NECAB1: variants seen among roughly 807,000 people sequenced by gnomAD.
The protein encoded by NECAB1 is N-terminal EF-hand calcium-binding protein 1.
A neutral mutation model predicts 57.5 loss-of-function variants in NECAB1; 29 were observed. The ratio of observed to expected loss-of-function variants is 0.50; its 90% CI spans 0.38 to 0.69. The LOEUF is 0.69. NECAB1 is among the 30% of genes least tolerant of loss of function. The pLI is 0.00. For missense variants in NECAB1, 372 were observed against 413.8 expected (o/e 0.90, Z 0.88); for synonymous variants, 142 against 147.7 (o/e 0.96, Z 0.28).
intron 3 of NECAB1, among the ~76,000 whole-genome samples, chr8:90,863,659 AGAGT>A (rs1284038956): frequency 1.3e-5 from 2 of 152,160 alleles, no homozygotes; most frequent in Non-Finnish European, 2.9e-5. Context: ...AGGAGATGAG[AGAGT>A]GTTATTATAT....
intron 10 of NECAB1, among the ~76,000 whole-genome samples, chr8:90,942,640 T>C (rs750141786): frequency 3.9e-4 from 60 of 152,242 alleles, no homozygotes; most frequent in Non-Finnish European, 6.8e-4. Flanking sequence ...TCCCAGCACT[T>C]TGGGAGGCCG....
intron 3 of NECAB1, among the ~76,000 whole-genome samples, chr8:90,851,774 C>A (rs1812688408): frequency 6.6e-6 from 1 of 152,138 alleles, no homozygotes; most frequent in Admixed American, 6.5e-5. Context: ...TACATTGACA[C>A]ATCATTATCT....
rs77718979 is a variant in NECAB1, at chr8:90,929,929, C to T, written c.693+1630C>T. On this transcript the variant is annotated intron_variant, in intron 8 of 12. Transcript: ENST00000417640. ...TAGTAACAAATAAGGTTGTATGGAC[C>T]GAAGAGGGCCAGATTATGGATAGCC... is the stretch of plus-strand genomic sequence containing the variant. Among the ~76,000 whole-genome samples the T allele has an allele frequency of 2.6e-3, 394 of 151,956 alleles. 3 individuals carry two copies. The highest frequency in any genetic ancestry group is 8.4e-3 in the African/African-American group (347 of 41,432).
intron 5 of NECAB1, among the ~76,000 whole-genome samples, chr8:90,910,816 A>G (rs1007591951): frequency 2.0e-5 from 3 of 152,060 alleles, no homozygotes; most frequent in Non-Finnish European, 4.4e-5. Context: ...ATTCTAGTGA[A>G]CATTTGTTGG....
chr8:90,801,978 A>G (rs1811765148), intron 2 of NECAB1, among the ~76,000 whole-genome samples: 1 of 152,224 alleles, frequency 6.6e-6, no homozygotes, highest in African/African-American at 2.4e-5. Context: ...CTTTTCATGC[A>G]CCAAAAAATA....
At chr8:90,878,800 T>C (rs1808774295) in intron 4 of NECAB1, among the ~76,000 whole-genome samples, 1 of 151,748 alleles carries the variant, frequency 6.6e-6, no homozygotes, top group African/African-American at 2.4e-5. Flanking sequence ...TCTGTGTGCA[T>C]AGGTCCAATT....
intron 3 of NECAB1, among the ~76,000 whole-genome samples, chr8:90,868,491 G>A (rs190205759): frequency 2.2e-3 from 334 of 152,308 alleles, no homozygotes; most frequent in African/African-American, 7.8e-3. Flanking sequence ...GGTTTCAGAT[G>A]GAGATGGGAA....
At chr8:90,934,494 T>C (rs1346288238) in intron 9 of NECAB1, 137 bp downstream of exon 9, 5 of 622,788 alleles carry the variant, frequency 8.0e-6, no homozygotes, top group Non-Finnish European at 1.3e-5. Context: ...TTCAGTAGTG[T>C]TGTTTCTACA....
Position 90,825,712 on chromosome 8 carries a change from A to G in NECAB1, c.233+887A>G, listed in dbSNP as rs117645637. ...AAGCTAACTATTAAGAAAAATTAAA[A>G]GATTAAATTCACTTTACTCAAGCTG... is the stretch of plus-strand genomic sequence containing the variant. On this transcript the variant is annotated intron_variant, in intron 3 of 12. Coordinates refer to ENST00000417640, the MANE Select transcript of NECAB1 (RefSeq NM_022351.5). 4.2e-3 allele frequency among the ~76,000 whole-genome samples: 634 copies of G among 152,046 alleles called. 3 individuals are homozygous for G. Among genetic ancestry groups the G allele is most frequent in the Non-Finnish European group, 7.1e-3 (479 of 67,870 alleles).
intron 10 of NECAB1, among the ~76,000 whole-genome samples, chr8:90,948,112 G>C (rs1280721758): frequency 6.6e-6 from 1 of 152,162 alleles, no homozygotes; most frequent in Non-Finnish European, 1.5e-5. Context: ...CCAGTATACT[G>C]TTGAAGGTTA....
At chr8:90,851,919 G>A (rs528828833) in intron 3 of NECAB1, among the ~76,000 whole-genome samples, 2 of 152,034 alleles carry the variant, frequency 1.3e-5, no homozygotes, top group African/African-American at 4.8e-5. Context: ...TTCGTCTGTG[G>A]TCCACCTGTG....
At chr8:90,816,332 T>C (rs1441396381) in intron 2 of NECAB1, among the ~76,000 whole-genome samples, 1 of 151,868 alleles carries the variant, frequency 6.6e-6, no homozygotes, top group African/African-American at 2.4e-5. Flanking sequence ...CAGTTTCCCC[T>C]CCTCACAGAG....
chr8:90,884,515 C>T (rs1563517025), intron 5 of NECAB1, among the ~76,000 whole-genome samples: 2 of 152,054 alleles, frequency 1.3e-5, no homozygotes, highest in African/African-American at 2.4e-5. Context: ...TAAAATTTTC[C>T]CTTGTTTTAG....
At chr8:90,922,601 T>C (rs1182618822) in intron 6 of NECAB1, among the ~76,000 whole-genome samples, 1 of 145,768 alleles carries the variant, frequency 6.9e-6, no homozygotes, top group Non-Finnish European at 1.5e-5. Flanking sequence ...CAAGCAATTC[T>C]CCTGCGTCAG....
chr8:90,917,522 T>C lies in NECAB1; in HGVS notation c.388T>C (p.Phe130Leu). Residue 130 changes from phenylalanine to leucine, a missense_variant, in exon 6 of 13, where the codon TTC becomes CTC. Coordinates refer to ENST00000417640, the MANE Select transcript of NECAB1 (RefSeq NM_022351.5). The part of the protein sequence containing the change: ...DYQEASNLEQ[F>L]VTRFLLKETL... ...CCAAGAAGCCTCCAATTTGGAACAA[T>C]TCGTAACTAGATTTTTATTGAAGGA... The C allele has an allele frequency of 6.2e-7, 1 of 1,611,386 alleles. No individual in the cohort carries two copies. Among genetic ancestry groups the C allele is most frequent in the Non-Finnish European group, 8.5e-7 (1 of 1,178,358 alleles).
intron 2 of NECAB1, among the ~76,000 whole-genome samples, chr8:90,818,563 A>G (rs1812093917): frequency 6.6e-6 from 1 of 152,024 alleles, no homozygotes; most frequent in South Asian, 2.1e-4. Context: ...TACTGCTTGC[A>G]TTGTTTCTGA....
intron 5 of NECAB1, among the ~76,000 whole-genome samples, chr8:90,906,877 A>ATGTATATATG (rs1809668246): frequency 1.8e-5 from 1 of 56,372 alleles, no homozygotes; most frequent in African/African-American, 9.0e-5. Flanking sequence ...TGATATACAC[A>ATGTATATATG]TATATATATA....
Position 90,824,751 on chromosome 8 carries a change from A to G in NECAB1, c.159A>G (p.Ala53=). The G allele has an allele frequency of 1.3e-6, 2 of 1,551,872 alleles. No homozygotes were observed. The highest frequency in any genetic ancestry group is 1.2e-5 in the South Asian group (1 of 83,022). The part of the protein sequence containing the change: ...DGKLSFEEFK[A]YFADGVLSGE... ...AATTATCCTTTGAAGAATTCAAAGC[A>G]TATTTTGCAGATGGTGTTCTCAGTG... Residue 53 remains alanine (A), a synonymous_variant, in exon 3 of 13, where the codon GCA becomes GCG. Coordinates refer to ENST00000417640, the MANE Select transcript of NECAB1 (RefSeq NM_022351.5).
intron 2 of NECAB1, among the ~76,000 whole-genome samples, chr8:90,813,426 T>A (rs1401618681): frequency 3.9e-5 from 6 of 152,078 alleles, no homozygotes; most frequent in Non-Finnish European, 5.9e-5. Flanking sequence ...CTAATATGAA[T>A]AAGTATAACT....
Sources: gnomAD v4.1 joint callset for allele counts (sites outside exome capture counted in the v4.1 genomes callset) on GRCh38, gnomAD v4.1.1 for gene constraint, MANE v1.5 for transcripts, NCBI Gene and HGNC (gene_info 2026-07-23, HGNC 2026-07-21) for gene names.